Variants in NUBPL observed in about 807,000 individuals in gnomAD.
The protein encoded by NUBPL is iron-sulfur cluster transfer protein NUBPL.
A neutral mutation model predicts 45.7 loss-of-function variants in NUBPL; 31 were observed. The ratio of observed to expected loss-of-function variants is 0.68; its 90% CI spans 0.51 to 0.92. The LOEUF is 0.92. NUBPL is among the 40% of genes least tolerant of loss of function. NUBPL has a pLI of 0.00. For synonymous variants in NUBPL, 144 were observed against 140.9 expected (o/e 1.02, Z -0.15); for missense variants, 401 against 398.7 (o/e 1.01, Z -0.05).
intron 7 of NUBPL, among the ~76,000 whole-genome samples, chr14:31,813,642 C>T (rs562336033): frequency 3.9e-5 from 6 of 152,196 alleles, no homozygotes; most frequent in Admixed American, 3.3e-4. Flanking sequence ...ACCCATCAAC[C>T]TGTCATCTAC....
intron 7 of NUBPL, among the ~76,000 whole-genome samples, chr14:31,789,344 TAAATAA>T (rs2039339411): frequency 6.6e-6 from 1 of 151,566 alleles, no homozygotes. Flanking sequence ...AAAAAATAAA[TAAATAA>T]AAATAAATAT....
At chr14:31,851,027 G>C (rs1460404033) in intron 10 of NUBPL, among the ~76,000 whole-genome samples, 1 of 152,028 alleles carries the variant, frequency 6.6e-6, no homozygotes, top group African/African-American at 2.4e-5. Flanking sequence ...AGATATAGTT[G>C]ATAGATTTTC....
intron 4 of NUBPL, among the ~76,000 whole-genome samples, chr14:31,627,756 ACT>A (rs1237977601): frequency 3.9e-5 from 5 of 126,790 alleles, no homozygotes; most frequent in Non-Finnish European, 6.8e-5. Flanking sequence ...ACAGAGTGAG[ACT>A]CTGTCTCAAA....
intron 6 of NUBPL, among the ~76,000 whole-genome samples, chr14:31,698,964 C>T (rs1262618296): frequency 6.6e-6 from 1 of 151,992 alleles, no homozygotes; most frequent in African/African-American, 2.4e-5. Context: ...AAGCAATTCT[C>T]CTGCCTCAGC....
chr14:31,793,624 A>C (rs1470305396), intron 7 of NUBPL, among the ~76,000 whole-genome samples: 1 of 152,072 alleles, frequency 6.6e-6, no homozygotes, highest in African/African-American at 2.4e-5. Context: ...TGAATCAATG[A>C]ATGAGTGTTT....
intron 4 of NUBPL, among the ~76,000 whole-genome samples, chr14:31,636,018 C>G (rs12148039): frequency 1.1e-4 from 17 of 152,164 alleles, no homozygotes; most frequent in African/African-American, 4.1e-4. Flanking sequence ...TCTAAATATA[C>G]AATCATGTCA....
chr14:31,739,946 A>G (rs886231037), intron 6 of NUBPL, among the ~76,000 whole-genome samples: 2 of 152,316 alleles, frequency 1.3e-5, no homozygotes, highest in Middle Eastern at 3.4e-3. Flanking sequence ...TTCACTTAGC[A>G]GTAGCATTTA....
chr14:31,830,901 CT>C (rs2040178546), intron 8 of NUBPL, among the ~76,000 whole-genome samples: 1 of 152,132 alleles, frequency 6.6e-6, no homozygotes, highest in African/African-American at 2.4e-5. Flanking sequence ...CACCATTTTT[CT>C]CCTCAGGACC....
intron 6 of NUBPL, among the ~76,000 whole-genome samples, chr14:31,675,720 A>G (rs191105168): frequency 3.3e-5 from 5 of 152,346 alleles, no homozygotes. Context: ...ATCCTGAACT[A>G]GAAGTCTGGT....
intron 6 of NUBPL, among the ~76,000 whole-genome samples, chr14:31,727,745 A>T (rs1402164621): frequency 6.6e-6 from 1 of 152,156 alleles, no homozygotes; most frequent in Non-Finnish European, 1.5e-5. Context: ...GTTTAAATCC[A>T]AATAGCAAGT....
At chr14:31,726,727 G>T (rs1458337043) in intron 6 of NUBPL, among the ~76,000 whole-genome samples, 1 of 150,164 alleles carries the variant, frequency 6.7e-6, no homozygotes, top group Non-Finnish European at 1.5e-5. Flanking sequence ...TTTGCCTAAA[G>T]TTCAGTTCTG....
At chr14:31,790,714 G>A (rs1464177922) in intron 7 of NUBPL, among the ~76,000 whole-genome samples, 3 of 152,062 alleles carry the variant, frequency 2.0e-5, no homozygotes, top group Non-Finnish European at 4.4e-5. Context: ...AGCCTGGTGT[G>A]GTGGCAGGCA....
At chr14:31,808,891 T>G (rs951773457) in intron 7 of NUBPL, among the ~76,000 whole-genome samples, 2 of 152,216 alleles carry the variant, frequency 1.3e-5, no homozygotes, top group South Asian at 4.1e-4. Context: ...GTTTTTCTCT[T>G]TCGTTCTGTT....
chr14:31,744,426 A>C (rs2038350893), intron 6 of NUBPL, among the ~76,000 whole-genome samples: 1 of 152,156 alleles, frequency 6.6e-6, no homozygotes, highest in Non-Finnish European at 1.5e-5. Flanking sequence ...GAGTAGGAAA[A>C]ATACACAGAA....
intron 6 of NUBPL, among the ~76,000 whole-genome samples, chr14:31,747,766 A>G (rs931283932): frequency 3.3e-5 from 5 of 151,698 alleles, no homozygotes; most frequent in Admixed American, 2.0e-4. Flanking sequence ...TTTTTGTTTC[A>G]TTCATCTTTT....
At chr14:31,743,358 G>A (rs941449991) in intron 6 of NUBPL, among the ~76,000 whole-genome samples, 2 of 151,866 alleles carry the variant, frequency 1.3e-5, no homozygotes, top group East Asian at 1.9e-4. Flanking sequence ...ATTCATTCTC[G>A]GCTGGGCTCT....
chr14:31,846,684 C>G, intron 9 of NUBPL, 93 bp downstream of exon 9: 1 of 1,558,758 alleles, frequency 6.4e-7, no homozygotes, highest in Non-Finnish European at 8.7e-7. Context: ...AGGCCGGGCA[C>G]GGAGTCTCAC....
At chr14:31,572,199 G>A (rs2033603638) in intron 3 of NUBPL, among the ~76,000 whole-genome samples, 1 of 151,780 alleles carries the variant, frequency 6.6e-6, no homozygotes, top group Non-Finnish European at 1.5e-5. Context: ...GAGTACAGTG[G>A]TGCAATCTTG....
At chr14:31,832,353 G>A (rs1048647559) in intron 8 of NUBPL, among the ~76,000 whole-genome samples, 1 of 152,108 alleles carries the variant, frequency 6.6e-6, no homozygotes, top group Non-Finnish European at 1.5e-5. Flanking sequence ...CTTGGGAATC[G>A]ATTGTATAGG....
Sources: allele counts gnomAD v4.1 joint callset (sites outside exome capture counted in the v4.1 genomes callset), GRCh38; gene constraint gnomAD v4.1.1; transcripts MANE v1.5; gene names NCBI Gene and HGNC (gene_info 2026-07-23, HGNC 2026-07-21).